The following TRAPPC2 variants were observed in gnomAD, a reference collection of about 807,000 sequenced individuals.
TRAPPC2 encodes the protein trafficking protein particle complex subunit 2.
In TRAPPC2, 4 loss-of-function variants were observed where a neutral mutation model predicts 10.0. That is an observed-to-expected ratio of 0.40 (90% CI 0.20 to 0.92). The LOEUF (loss-of-function observed/expected upper bound fraction) is 0.92. Ranked by LOEUF, TRAPPC2 falls within the 40% of genes least tolerant of loss-of-function variation. The probability of loss-of-function intolerance (pLI) is 0.35; values close to 1 mark genes in which losing one functional copy is unlikely to be tolerated. For missense variants in TRAPPC2, 52 were observed against 108.7 expected (o/e 0.48, Z 2.32); for synonymous variants, 36 against 37.3 (o/e 0.97, Z 0.12).
chrX:13,717,469 C>T (rs1377004320), intron 3 of TRAPPC2, among the ~76,000 whole-genome samples: 4 of 111,825 alleles, frequency 3.6e-5, no homozygotes, highest in East Asian at 2.8e-4. Context: ...TGGCCAGGCG[C>T]GGTGGCTTAT....
At position 13,716,022 on chromosome X, in the gene TRAPPC2, A is replaced by C; in HGVS notation, c.306T>G (p.Val102=). The stretch of plus-strand genomic sequence containing the variant: ...ACCATACCTTTATATATAAATCATA[A>C]ACATCAGTAAAGAAGTTCTTTATTC... ...EDGIKNFFTD[V]YDLYIKFSMN... The change falls in exon 5 of 6, where the codon GTT becomes GTG. Residue 102 remains valine, a synonymous_variant. Coordinates refer to ENST00000380579, the MANE Select transcript of TRAPPC2 (RefSeq NM_001011658.4). 1 of 1,191,333 alleles carries C rather than the reference A, an allele frequency of 8.4e-7. No individual in the cohort carries two copies. The highest frequency in any genetic ancestry group is 1.1e-6 in the Non-Finnish European group (1 of 882,056).
intron 5 of TRAPPC2, 71 bp downstream of exon 5, chrX:13,715,933 A>G (rs1188379151): frequency 9.0e-7 from 1 of 1,113,005 alleles, no homozygotes; most frequent in Non-Finnish European, 1.2e-6. Context: ...GAGTTACTTC[A>G]ATAGGCCAGT....
intron 2 of TRAPPC2, among the ~76,000 whole-genome samples, chrX:13,727,053 C>T (rs983933161): frequency 8.9e-6 from 1 of 112,116 alleles, no homozygotes; most frequent in Non-Finnish European, 1.9e-5. Flanking sequence ...ACAAGAAGAG[C>T]TAACTATCCT....
At chrX:13,716,146 C>A in intron 4 of TRAPPC2, 57 bp from the exon 5 acceptor site, 3 of 1,088,602 alleles carry the variant, frequency 2.8e-6, no homozygotes, top group Admixed American at 2.7e-5. Context: ...GCAACCAGTT[C>A]GTTGATACAG....
Position 13,727,800 on chromosome X carries a change from T to C in TRAPPC2, c.-20+6244A>G, listed in dbSNP as rs188291081. Among the ~76,000 whole-genome samples, 5 of 111,599 alleles carry C rather than the reference T, an allele frequency of 4.5e-5. No individual in the cohort carries two copies. In the East Asian group the frequency reaches 1.4e-3, roughly 31 times the overall value. On this transcript the variant is annotated intron_variant, in intron 2 of 5. Coordinates refer to ENST00000380579, the MANE Select transcript of TRAPPC2 (RefSeq NM_001011658.4). The stretch of plus-strand genomic sequence containing the variant: ...CACGAAAAACCCTTTAAAAAATCAA[T>C]GAATCCAGGAGCTGGTTTTTTCAAA...
intron 3 of TRAPPC2, among the ~76,000 whole-genome samples, chrX:13,717,994 T>G (rs774175222): frequency 1.8e-5 from 2 of 111,762 alleles, no homozygotes; most frequent in African/African-American, 6.5e-5. Context: ...ACATGAAGAC[T>G]GGAGTTATGC....
chrX:13,724,375 T>A, intron 2 of TRAPPC2, among the ~76,000 whole-genome samples: 1 of 96,907 alleles, frequency 1.0e-5, no homozygotes. Context: ...AGGCCTACAA[T>A]GAGTTGAAGT....
chrX:13,733,759 C>G (rs1053205313), intron 2 of TRAPPC2, among the ~76,000 whole-genome samples: 1 of 107,931 alleles, frequency 9.3e-6, no homozygotes, highest in African/African-American at 3.4e-5. Context: ...TTTTTTTTTT[C>G]TTTTAATGAT....
chrX:13,734,104 C>A lies in TRAPPC2; in HGVS notation c.-80G>T, dbSNP rs1341030173. The A allele has an allele frequency of 3.9e-6, 2 of 513,391 alleles. No homozygotes were observed. The highest frequency in any genetic ancestry group is 7.2e-5 in the East Asian group (2 of 27,703). The allele number at this position is 513,391 out of a possible 1,213,427, so 42.3% of individuals were successfully genotyped here. A position where few individuals can be genotyped will look rare whatever the true frequency, so the allele number is the denominator to read the frequency against. On this transcript the variant is annotated 5_prime_UTR_variant, in exon 2 of 6. Coordinates refer to ENST00000380579, the MANE Select transcript of TRAPPC2 (RefSeq NM_001011658.4). ...AACGTTTAGCTCTGTGGATCTCAAC[C>A]CGGAGCGATCTTGCTTCCAAGAGGA... is the stretch of plus-strand genomic sequence containing the variant.
Position 13,716,684 on chromosome X carries a change from T to A in TRAPPC2, c.94-6A>T. 8.3e-7 allele frequency: 1 copy of A among 1,211,003 alleles called. No individual in the cohort carries two copies. The highest frequency in any genetic ancestry group is 1.1e-6 in the Non-Finnish European group (1 of 894,899). On this transcript the variant is annotated splice_polypyrimidine_tract_variant and splice_region_variant and intron_variant, in intron 3 of 5. Coordinates refer to ENST00000380579, the MANE Select transcript of TRAPPC2 (RefSeq NM_001011658.4). ...TTCAGATGACGATGGTCGTCCTAGA[T>A]GACAGTGTGAGCAACCACAGATTAA...
chrX:13,725,257 C>A (rs184621465), intron 2 of TRAPPC2, among the ~76,000 whole-genome samples: 31 of 113,121 alleles, frequency 2.7e-4, no homozygotes, highest in African/African-American at 9.9e-4. Context: ...GCTCCCCCAA[C>A]GTGGTGCTTG....
chrX:13,723,095 CAAAAAA>C (rs749531653), intron 2 of TRAPPC2, among the ~76,000 whole-genome samples: 1 of 62,766 alleles, frequency 1.6e-5, no homozygotes, highest in African/African-American at 6.1e-5. Context: ...GACTCCATCT[CAAAAAA>C]AAAAAAAAAA....
chrX:13,729,582 T>C (rs1295216623), intron 2 of TRAPPC2, among the ~76,000 whole-genome samples: 1 of 112,011 alleles, frequency 8.9e-6, no homozygotes, highest in Non-Finnish European at 1.9e-5. Flanking sequence ...TCCTTACACC[T>C]TATACAAAAA....
Sources: gnomAD v4.1 joint callset for allele counts (sites outside exome capture counted in the v4.1 genomes callset) on GRCh38, gnomAD v4.1.1 for gene constraint, MANE v1.5 for transcripts, NCBI Gene and HGNC (gene_info 2026-07-23, HGNC 2026-07-21) for gene names.